FSTL4: variants seen among roughly 807,000 people sequenced by gnomAD.
The protein encoded by FSTL4 is follistatin like 4, also known as follistatin-related protein 4.
A neutral mutation model predicts 78.2 loss-of-function variants in FSTL4; 28 were observed. The observed-to-expected ratio is 0.36, with a 90% CI of 0.27 to 0.49. The LOEUF is 0.49. FSTL4 is among the 20% of genes least tolerant of loss of function. The pLI, the probability that FSTL4 is intolerant of heterozygous loss-of-function variation, is 0.98. For missense variants in FSTL4, 922 were observed against 1,084.9 expected (o/e 0.85, Z 2.11); for synonymous variants, 422 against 440.5 (o/e 0.96, Z 0.53).
chr5:133,380,321 A>G (rs1448548190), intron 4 of FSTL4, among the ~76,000 whole-genome samples: 1 of 152,018 alleles, frequency 6.6e-6, no homozygotes, highest in Non-Finnish European at 1.5e-5. Context: ...AATTTTTTAG[A>G]AGTCTCGAAT....
intron 3 of FSTL4, among the ~76,000 whole-genome samples, chr5:133,448,254 T>C (rs948942978): frequency 1.3e-5 from 2 of 152,226 alleles, no homozygotes; most frequent in Non-Finnish European, 2.9e-5. Flanking sequence ...GTCACAGTCA[T>C]GGCTTCTAGA....
chr5:133,691,805 G>T, the FSTL4 span, among the ~76,000 whole-genome samples: 1 of 152,152 alleles, frequency 6.6e-6, no homozygotes, highest in Non-Finnish European at 1.5e-5. Context: ...CATGTGAACT[G>T]TCCCAGAAGA....
intron 3 of FSTL4, among the ~76,000 whole-genome samples, chr5:133,492,451 T>A (rs1485596031): frequency 6.6e-6 from 1 of 152,194 alleles, no homozygotes; most frequent in Non-Finnish European, 1.5e-5. Context: ...TAAATCTTTA[T>A]CAGAGAGTAT....
intron 4 of FSTL4, among the ~76,000 whole-genome samples, chr5:133,367,575 T>C (rs150196559): frequency 6.6e-6 from 1 of 152,326 alleles, no homozygotes; most frequent in East Asian, 1.9e-4. Flanking sequence ...AATTTCTGCT[T>C]TCGCTCCAGA....
At chr5:133,589,239 A>G (rs1248823045) in intron 2 of FSTL4, among the ~76,000 whole-genome samples, 3 of 72,608 alleles carry the variant, frequency 4.1e-5, no homozygotes, top group African/African-American at 1.3e-4. Context: ...ATACATATGT[A>G]ACTAACCTGC....
intron 3 of FSTL4, among the ~76,000 whole-genome samples, chr5:133,508,399 A>C (rs463447): frequency 0.14 from 20,811 of 152,254 alleles, 1,485 homozygotes; most frequent in Non-Finnish European, 0.15. Context: ...GGGAGGGTCA[A>C]CTATGGATAA....
chr5:133,812,191 A>G, the FSTL4 span, among the ~76,000 whole-genome samples: 2 of 152,104 alleles, frequency 1.3e-5, no homozygotes, highest in Non-Finnish European at 2.9e-5. Context: ...CCACTGCGTC[A>G]TCCTTGTTCA....
At position 133,196,540 on chromosome 5, in the gene FSTL4, C is replaced by T. The variant is rs1750150322; in HGVS notation, c.*2555G>A. ...GATGATTCTTTTGGTAAAGTCAGTA[C>T]TTCTTTAATAGCTAAGATATCAGTT... On this transcript the variant is annotated 3_prime_UTR_variant, in exon 16 of 16. Transcript: ENST00000265342. 3 of 152,228 alleles carry T rather than the reference C, an allele frequency of 2.0e-5. No individual in the cohort carries two copies. The highest frequency in any genetic ancestry group is 1.3e-4 in the Admixed American group (2 of 15,286). The allele number at this position is 152,228 out of a possible 1,614,324, so 9.4% of individuals were successfully genotyped here. A position where few individuals can be genotyped will look rare whatever the true frequency, so the allele number is the denominator to read the frequency against.
chr5:133,603,890 G>T lies in FSTL4; in HGVS notation c.94C>A (p.Pro32Thr). The part of the protein sequence containing the change: ...GWMDPGTSRG[P>T]DVGVGESQAE... ...TGTGACTCCCCCACACCCACATCCGGGCCTCTGCTGGTTCCTGGGTCCATC... is the reference window on the plus strand; with the variant it reads ...TGTGACTCCCCCACACCCACATCCGTGCCTCTGCTGGTTCCTGGGTCCATC... Residue 32 changes from proline to threonine, a missense_variant, in exon 2 of 16, where the codon CCG (proline) becomes ACG (threonine). Physicochemically the swap from Pro to Thr is conservative, Grantham distance 38 (BLOSUM62 -1). Transcript: ENST00000265342. The T allele has an allele frequency of 6.2e-7, 1 of 1,614,090 alleles. No individual in the cohort carries two copies. Among genetic ancestry groups the T allele is most frequent in the African/African-American group, 1.3e-5 (1 of 75,030 alleles).
chr5:133,497,703 AC>A (rs1232756298), intron 3 of FSTL4, among the ~76,000 whole-genome samples: 1 of 152,166 alleles, frequency 6.6e-6, no homozygotes, highest in African/African-American at 2.4e-5. Context: ...TATGATTCAG[AC>A]CCAGATGCAT....
chr5:133,218,270 C>T (rs1211028724), intron 12 of FSTL4, among the ~76,000 whole-genome samples: 1 of 152,126 alleles, frequency 6.6e-6, no homozygotes, highest in African/African-American at 2.4e-5. Context: ...TCAGATTTAC[C>T]TTCACAATAT....
At chr5:133,391,751 C>T (rs1755855550) in intron 4 of FSTL4, among the ~76,000 whole-genome samples, 1 of 152,200 alleles carries the variant, frequency 6.6e-6, no homozygotes, top group South Asian at 2.1e-4. Flanking sequence ...TACTCTTCCC[C>T]CAGATATTCA....
chr5:133,780,329 A>G, the FSTL4 span, among the ~76,000 whole-genome samples: 1 of 151,768 alleles, frequency 6.6e-6, no homozygotes, highest in Admixed American at 6.6e-5. Flanking sequence ...TCCTTGCATG[A>G]CTCATTCCCT....
chr5:133,514,004 C>A (rs1676032125), intron 3 of FSTL4, among the ~76,000 whole-genome samples: 1 of 151,924 alleles, frequency 6.6e-6, no homozygotes, highest in East Asian at 1.9e-4. Flanking sequence ...CGGTGAAACC[C>A]CGTCTCTACT....
intron 2 of FSTL4, among the ~76,000 whole-genome samples, chr5:133,600,021 A>G (rs1347838707): frequency 6.6e-6 from 1 of 152,130 alleles, no homozygotes; most frequent in African/African-American, 2.4e-5. Context: ...TTTTACTACT[A>G]TATTTATCTT....
chr5:133,814,608 T>C, the FSTL4 span, among the ~76,000 whole-genome samples: 1 of 152,126 alleles, frequency 6.6e-6, no homozygotes, highest in Non-Finnish European at 1.5e-5. Context: ...AGAAAGTTAA[T>C]CTTGCCCTCA....
At chr5:133,433,124 C>A (rs1013608532) in intron 3 of FSTL4, among the ~76,000 whole-genome samples, 1 of 152,236 alleles carries the variant, frequency 6.6e-6, no homozygotes, top group Non-Finnish European at 1.5e-5. Context: ...CTAAGCTGTT[C>A]TCTTTTTCAG....
the FSTL4 span, among the ~76,000 whole-genome samples, chr5:133,745,235 C>T: frequency 6.6e-6 from 1 of 152,262 alleles, no homozygotes. Flanking sequence ...ACGCCAAGGG[C>T]CTTCTATGGA....
chr5:133,574,871 C>G (rs1214082066), intron 2 of FSTL4: 4 of 152,074 alleles, frequency 2.6e-5, no homozygotes, highest in Non-Finnish European at 5.9e-5. Context: ...CAGAAACAAG[C>G]AAAACCAATC....
Sources: gnomAD v4.1 joint callset for allele counts (sites outside exome capture counted in the v4.1 genomes callset) on GRCh38, gnomAD v4.1.1 for gene constraint, MANE v1.5 for transcripts, NCBI Gene and HGNC (gene_info 2026-07-23, HGNC 2026-07-21) for gene names.